The following SERPINB13 variants were observed in gnomAD, a reference collection of about 807,000 sequenced individuals.
SERPINB13 encodes serpin family B member 13.
In SERPINB13, 26 loss-of-function variants were observed where a neutral mutation model predicts 31.2. The observed-to-expected ratio is 0.83, with a 90% CI of 0.61 to 1.15. The LOEUF (loss-of-function observed/expected upper bound fraction) is 1.15, where lower values mean the gene tolerates loss of function less well. Ranked by LOEUF, SERPINB13 falls within the 50% of genes most tolerant of loss-of-function variation. The pLI is 0.00. For missense variants in SERPINB13, 510 were observed against 469.4 expected, an observed-to-expected ratio of 1.09 and a Z score of -0.80; for synonymous variants, 191 against 172.4, an observed-to-expected ratio of 1.11 and a Z score of -0.85.
intron 3 of SERPINB13, among the ~76,000 whole-genome samples, chr18:63,591,980 G>A (rs771256291): frequency 1.1e-4 from 16 of 151,928 alleles, no homozygotes; most frequent in Admixed American, 3.3e-4. Flanking sequence ...GATAAGAATC[G>A]TCCGGAGAAA....
intron 5 of SERPINB13, chr18:63,594,110 C>T: frequency 7.2e-7 from 1 of 1,386,432 alleles, no homozygotes. Context: ...CTAACAGAGG[C>T]ATCTGACCCC....
chr18:63,593,009 A>G, intron 5 of SERPINB13, 38 bp downstream of exon 5: 5 of 1,289,744 alleles, frequency 3.9e-6, no homozygotes, highest in Non-Finnish European at 5.5e-6. Flanking sequence ...AAAAAAACAA[A>G]AACAAAGAAA....
chr18:63,592,985 G>A lies in SERPINB13; in HGVS notation c.472+14G>A. On this transcript the variant is annotated intron_variant, in intron 5 of 7. Transcript: ENST00000344731. ...GCAAAACAAATGGTAGAGTATGGGT[G>A]GGTCATTCATTGCAAAAAAACAAAA... 6.7e-7 allele frequency: 1 copy of A among 1,488,470 alleles called. No individual in the cohort carries two copies. The highest frequency in any genetic ancestry group is 2.3e-5 in the East Asian group (1 of 44,302). The allele number at this position is 1,488,470 out of a possible 1,614,324, so 92.2% of individuals were successfully genotyped here.
chr18:63,593,417 G>A (rs958623542), intron 5 of SERPINB13, among the ~76,000 whole-genome samples: 1 of 152,114 alleles, frequency 6.6e-6, no homozygotes, highest in Non-Finnish European at 1.5e-5. Flanking sequence ...TGAGAAACAC[G>A]CAGCTCTCCC....
intron 7 of SERPINB13, 85 bp downstream of exon 7, chr18:63,595,269 A>T (rs1256260246): frequency 2.2e-6 from 3 of 1,361,666 alleles, no homozygotes; most frequent in Non-Finnish European, 3.0e-6. Context: ...GGTGGCCAGC[A>T]GTGTCAAATA....
At chr18:63,592,593 C>G in intron 4 of SERPINB13, 117 bp downstream of exon 4, 1 of 1,026,868 alleles carries the variant, frequency 9.7e-7, no homozygotes, top group Admixed American at 2.4e-5. Context: ...CCCTGTGGTG[C>G]TTTTCCATCC....
chr18:63,597,087 G>C lies in SERPINB13; in HGVS notation c.900G>C (p.Leu300=), dbSNP rs759776160. The change falls in exon 8 of 8, where the codon CTG becomes CTC. Residue 300 remains leucine (L), a synonymous_variant. Coordinates refer to ENST00000344731, the MANE Select transcript of SERPINB13 (RefSeq NM_012397.4). Reference sequence around the variant, plus strand: ...ACGGTTACGATCTAGAGGCGGTCCTGGCTGCCATGGGGATGGGCGATGCCT... The same window carrying C: ...ACGGTTACGATCTAGAGGCGGTCCTCGCTGCCATGGGGATGGGCGATGCCT... ...VEDGYDLEAV[L]AAMGMGDAFS... is the part of the protein sequence containing the mutation. 6.2e-7 allele frequency: 1 copy of C among 1,614,212 alleles called. No individual in the cohort carries two copies. The highest frequency in any genetic ancestry group is 1.1e-5 in the South Asian group (1 of 91,078).
At chr18:63,595,765 T>C (rs1324294680) in intron 7 of SERPINB13, among the ~76,000 whole-genome samples, 1 of 151,842 alleles carries the variant, frequency 6.6e-6, no homozygotes, top group Non-Finnish European at 1.5e-5. Context: ...CTGGCGTGGT[T>C]GTGGGCGCCT....
At position 63,595,098 on chromosome 18, in the gene SERPINB13, C is replaced by T; in HGVS notation, c.685C>T (p.Gln229Ter). ...SFSFTFLEDL[Q>*]AKILGIPYKN... ...TAGCTTCACTTTCCTGGAGGACTTG[C>T]AGGCCAAAATTCTAGGGATTCCATA... The change falls in exon 7 of 8, where the codon CAG becomes TAG. Residue 229 changes from glutamine to a stop codon, truncating the protein, a stop_gained. Coordinates refer to ENST00000344731, the MANE Select transcript of SERPINB13 (RefSeq NM_012397.4). LOFTEE classifies it high-confidence loss of function. 6.2e-7 allele frequency: 1 copy of T among 1,614,098 alleles called. No homozygotes were observed. The highest frequency in any genetic ancestry group is 8.5e-7 in the Non-Finnish European group (1 of 1,179,994).
chr18:63,590,499 G>A (rs1424960348), intron 3 of SERPINB13, among the ~76,000 whole-genome samples: 1 of 152,324 alleles, frequency 6.6e-6, no homozygotes, highest in Non-Finnish European at 1.5e-5. Context: ...GGGTGGCTCA[G>A]TTGCTCCTGT....
In SERPINB13 at chr18:63,592,370, A is replaced by C. The variant is rs748503604; in HGVS notation, c.248A>C (p.His83Pro). 3 of 1,613,206 alleles carry C rather than the reference A, an allele frequency of 1.9e-6. No individual in the cohort carries two copies. The highest frequency in any genetic ancestry group is 2.5e-6 in the Non-Finnish European group (3 of 1,179,572). Residue 83 changes from histidine to proline, a missense_variant, in exon 4 of 8, where the codon CAT becomes CCT. Coordinates refer to ENST00000344731, the MANE Select transcript of SERPINB13 (RefSeq NM_012397.4). ...KEVIENTEAV[H>P]QQFQKFLTEI... ...AAGATTGAGAACACAGAAGCAGTACATCAACAATTCCAAAAGTTTTTGACT... is the reference window on the plus strand; with the variant it reads ...AAGATTGAGAACACAGAAGCAGTACCTCAACAATTCCAAAAGTTTTTGACT...
chr18:63,595,035 A>G lies in SERPINB13; in HGVS notation c.622A>G (p.Ser208Gly), dbSNP rs200425817. 3.1e-6 allele frequency: 5 copies of G among 1,609,578 alleles called. No individual in the cohort carries two copies. In the South Asian group the frequency reaches 3.3e-5, roughly 11 times the overall value. Reference sequence around the variant, plus strand: ...CTCTGTTAATTTGTTGCAGAGCACAAGTAAATCTGTACAGATGATGACACA... The same window carrying G: ...CTCTGTTAATTTGTTGCAGAGCACAGGTAAATCTGTACAGATGATGACACA... ...EEKFWMNKST[S>G]KSVQMMTQSH... is the part of the protein sequence containing the mutation. The change falls in exon 7 of 8, where the codon AGT (serine) becomes GGT (glycine). Residue 208 changes from serine to glycine, a missense_variant. Physicochemically the swap from Ser to Gly is moderately conservative, Grantham distance 56. Transcript: ENST00000344731.
At chr18:63,594,584 T>C in intron 6 of SERPINB13, 87 bp downstream of exon 6, 1 of 1,449,272 alleles carries the variant, frequency 6.9e-7, no homozygotes. Context: ...CTGACACCTG[T>C]AATCCCAGCA....
chr18:63,592,298 G>T, intron 3 of SERPINB13, 50 bp from the exon 4 acceptor site: 1 of 1,582,048 alleles, frequency 6.3e-7, no homozygotes, highest in Non-Finnish European at 8.6e-7. Flanking sequence ...GGAGAATCTG[G>T]GCTTGCTTTT....
At chr18:63,589,546 C>T in intron 2 of SERPINB13, 110 bp from the exon 3 acceptor site, 1 of 1,396,128 alleles carries the variant, frequency 7.2e-7, no homozygotes, top group South Asian at 1.5e-5. Flanking sequence ...GATAATGTCA[C>T]CTCATATACC....
At chr18:63,594,170 A>C in intron 5 of SERPINB13, 185 bp from the exon 6 acceptor site, 1 of 1,505,998 alleles carries the variant, frequency 6.6e-7, no homozygotes, top group Non-Finnish European at 8.9e-7. Context: ...TGGGATAAAT[A>C]GGCGATGGGC....
rs1216331324 is a variant in SERPINB13 at position 63,597,653 on chromosome 18, A to G, written c.*290A>G. 4 of 309,434 alleles carry G rather than the reference A, an allele frequency of 1.3e-5. No homozygotes were observed. Among genetic ancestry groups the G allele is most frequent in the Non-Finnish European group, 2.4e-5 (4 of 166,372 alleles). 19.2% of individuals were successfully genotyped at this position (309,434 alleles called of 1,614,324 possible). On this transcript the variant is annotated 3_prime_UTR_variant, in exon 8 of 8. Coordinates refer to ENST00000344731, the MANE Select transcript of SERPINB13 (RefSeq NM_012397.4). ...ATTGGTATCTTGTAGTTTTGTGCAC[A>G]CGAAAGGAGAGAAAGTCTCTCCAGT...
intron 5 of SERPINB13, 157 bp from the exon 6 acceptor site, chr18:63,594,198 G>A (rs754326375): frequency 5.4e-5 from 83 of 1,529,100 alleles, no homozygotes; most frequent in South Asian, 3.7e-4. Flanking sequence ...GAACCTCCCC[G>A]TCGATTCTGC....
rs1240768809 is a variant in SERPINB13 at position 63,594,360 on chromosome 18, A to G, written c.478A>G (p.Ile160Val). ...SWVESKTNEK[I>V]KDLFPDGSIS... ...TTCTGTTTCTTCATTTGCAGAAAAA[A>G]TCAAGGACTTGTTCCCAGATGGCTC... Residue 160 changes from isoleucine to valine, a missense_variant, in exon 6 of 8, where the codon ATC (isoleucine) becomes GTC (valine). By Grantham distance (29) the Ile-to-Val change is conservative (BLOSUM62 3). Transcript: ENST00000344731. 1 of 1,613,676 alleles carries G rather than the reference A, an allele frequency of 6.2e-7. No individual in the cohort carries two copies. Among genetic ancestry groups the G allele is most frequent in the Non-Finnish European group, 8.5e-7 (1 of 1,179,902 alleles).
Sources: gnomAD v4.1 joint callset for allele counts (sites outside exome capture counted in the v4.1 genomes callset) on GRCh38, gnomAD v4.1.1 for gene constraint, MANE v1.5 for transcripts, NCBI Gene and HGNC (gene_info 2026-07-23, HGNC 2026-07-21) for gene names.